SPATA24: variants seen among roughly 807,000 people sequenced by gnomAD.
The protein encoded by SPATA24 is spermatogenesis associated 24, also known as spermatogenesis-associated protein 24.
SPATA24 carries 21 observed loss-of-function variants against 28.9 expected under a neutral mutation model. The ratio of observed to expected loss-of-function variants is 0.73; its 90% CI spans 0.52 to 1.05. The LOEUF is 1.05. Among genes scored for constraint, SPATA24 ranks in the 50% least tolerant of loss-of-function variants. The pLI is 0.00. For missense variants in SPATA24, 215 were observed against 242.9 expected (o/e 0.88, Z 0.76); for synonymous variants, 76 against 89.9 (o/e 0.85, Z 0.88).
At chr5:139,403,810 A>G in intron 1 of SPATA24, 134 bp downstream of exon 1, 1 of 734,402 alleles carries the variant, frequency 1.4e-6, no homozygotes, top group Non-Finnish European at 2.3e-6. Context: ...CTACCGACTG[A>G]GCCCGGCCTC....
downstream of SPATA24, chr5:139,392,605 T>C (rs1214763306): frequency 5.1e-6 from 7 of 1,367,806 alleles, no homozygotes; most frequent in Non-Finnish European, 5.6e-6. This position sits in a 1 kb window ranked among gnomAD's most constrained non-coding sequence, Gnocchi z 5.8. Flanking sequence ...AGCCGCGGGC[T>C]CGGGGGCCGT....
downstream of SPATA24, chr5:139,393,174 C>T (rs920381672): frequency 5.8e-6 from 9 of 1,548,566 alleles, no homozygotes; most frequent in African/African-American, 1.1e-4. Flanking sequence ...GGAAGCCTGG[C>T]GCGTACGTGG....
At chr5:139,393,736 C>T, downstream of SPATA24, 1 of 1,551,380 alleles carries the variant, frequency 6.4e-7, no homozygotes, top group Non-Finnish European at 8.7e-7. Flanking sequence ...GCTTCTCCTG[C>T]TGACAGTTTC....
downstream of SPATA24, chr5:139,394,762 G>A (rs1581396752): frequency 2.0e-6 from 3 of 1,532,910 alleles, no homozygotes; most frequent in South Asian, 1.2e-5. Flanking sequence ...CTCCCCCGAC[G>A]GCAGCGTGCG....
downstream of SPATA24, chr5:139,395,002 G>T: frequency 6.7e-7 from 1 of 1,489,214 alleles, no homozygotes; most frequent in Non-Finnish European, 8.9e-7. Flanking sequence ...CGAACCGGAG[G>T]AGTCCTGGCG....
downstream of SPATA24, chr5:139,393,705 G>T (rs1758639959): frequency 6.4e-7 from 1 of 1,551,082 alleles, no homozygotes; most frequent in African/African-American, 1.4e-5. Flanking sequence ...GATTCCACTG[G>T]GAAAGGATCG....
At chr5:139,400,505 A>G (rs1758799120) in intron 4 of SPATA24, among the ~76,000 whole-genome samples, 1 of 151,792 alleles carries the variant, frequency 6.6e-6, no homozygotes, top group Admixed American at 6.6e-5. Context: ...ATGGGGTTTC[A>G]CCATGTTGGC....
At chr5:139,394,733 C>G (rs938208803), downstream of SPATA24, 2 of 1,532,696 alleles carry the variant, frequency 1.3e-6, no homozygotes, top group Non-Finnish European at 1.7e-6. Context: ...AGGGGTCCGA[C>G]GCCGAAGATG....
chr5:139,393,504 C>A, downstream of SPATA24: 2 of 1,551,574 alleles, frequency 1.3e-6, no homozygotes, highest in East Asian at 2.4e-5. Context: ...ATGAGCCCGG[C>A]CCCATGGGAT....
rs550060721 is a variant in SPATA24, at chr5:139,400,456, G to A, written c.385+1299C>T. 1.5e-3 allele frequency among the ~76,000 whole-genome samples: 224 copies of A among 151,942 alleles called. 1 individual carries two copies. The highest frequency in any genetic ancestry group is 5.1e-3 in the African/African-American group (213 of 41,446). ...TGAGTAGCTGGTATTACAGGTGCCCGCCACTATGCCCGGGTAATTTTTGGT... is the reference window on the plus strand; with the variant it reads ...TGAGTAGCTGGTATTACAGGTGCCCACCACTATGCCCGGGTAATTTTTGGT... On this transcript the variant is annotated intron_variant, in intron 4 of 5. Coordinates refer to ENST00000450845, the MANE Select transcript of SPATA24 (RefSeq NM_194296.2).
chr5:139,397,145 T>G lies in SPATA24; in HGVS notation c.386-2A>C, dbSNP rs775639826. The G allele has an allele frequency of 2.1e-5, 32 of 1,551,024 alleles. No homozygotes were observed. Among genetic ancestry groups the G allele is most frequent in the Non-Finnish European group, 2.7e-5 (31 of 1,146,138 alleles). On this transcript the variant is annotated splice_acceptor_variant, in intron 4 of 5. Coordinates refer to ENST00000450845, the MANE Select transcript of SPATA24 (RefSeq NM_194296.2). LOFTEE classifies it high-confidence loss of function. The stretch of plus-strand genomic sequence containing the variant: ...GCTTTATAATGTGAGACTCAATCTC[T>G]GTGGGGGAGAGAGGCAGGGAGGAGG...
In SPATA24 at chr5:139,402,618, C is replaced by T; in HGVS notation, c.183+10G>A. Reference sequence around the variant, plus strand: ...GGGAAGATTAGGAGACCGCAGAGGCCATTACTTACCACCAGCTTCTTCTCC... The same window carrying T: ...GGGAAGATTAGGAGACCGCAGAGGCTATTACTTACCACCAGCTTCTTCTCC... On this transcript the variant is annotated intron_variant, in intron 2 of 5. Transcript: ENST00000450845. The T allele has an allele frequency of 6.4e-7, 1 of 1,551,228 alleles. No homozygotes were observed. Among genetic ancestry groups the T allele is most frequent in the Non-Finnish European group, 8.7e-7 (1 of 1,146,566 alleles).
Position 139,404,020 on chromosome 5 carries a change from G to T in SPATA24, c.41C>A (p.Ser14Tyr). The part of the protein sequence containing the change: ...PLGWSKAGSG[S>Y]VCLALDQLRD... ...CAGTTGATCTAAAGCGAGACACACAGATCCTGACCCCGCCTTCGACCACCC... is the reference window on the plus strand; with the variant it reads ...CAGTTGATCTAAAGCGAGACACACATATCCTGACCCCGCCTTCGACCACCC... Residue 14 changes from serine to tyrosine, a missense_variant, in exon 1 of 6, where the codon TCT becomes TAT. Transcript: ENST00000450845. The T allele has an allele frequency of 1.9e-6, 3 of 1,551,904 alleles. No homozygotes were observed. Among genetic ancestry groups the T allele is most frequent in the Non-Finnish European group, 2.6e-6 (3 of 1,147,054 alleles).
chr5:139,394,535 G>C (rs1758660458), downstream of SPATA24: 3 of 1,484,262 alleles, frequency 2.0e-6, no homozygotes. Context: ...AACTGCGCTG[G>C]GGCGGCAGGA....
chr5:139,396,591 A>G (rs756410959), downstream of SPATA24: 22 of 1,397,820 alleles, frequency 1.6e-5, no homozygotes, highest in Non-Finnish European at 2.0e-5. Flanking sequence ...CTGTTTATAT[A>G]GGAAGGGATT....
intron 4 of SPATA24, chr5:139,401,396 A>G: frequency 1.7e-6 from 1 of 589,840 alleles, no homozygotes; most frequent in East Asian, 2.8e-5. Flanking sequence ...CCTGAGACTA[A>G]GGATCAGGTC....
intron 4 of SPATA24, chr5:139,401,441 G>T: frequency 1.6e-6 from 1 of 607,538 alleles, no homozygotes; most frequent in Non-Finnish European, 2.9e-6. Context: ...TGTTCCTCTT[G>T]TATCAGTTAG....
At chr5:139,399,389 A>C (rs1758778073) in intron 4 of SPATA24, among the ~76,000 whole-genome samples, 1 of 152,142 alleles carries the variant, frequency 6.6e-6, no homozygotes, top group Non-Finnish European at 1.5e-5. Flanking sequence ...ATGTCTAAGC[A>C]TTTAAGATTT....
chr5:139,402,220 TC>T (rs1758840880), intron 2 of SPATA24, among the ~76,000 whole-genome samples, 175 bp from the exon 3 acceptor site: 2 of 150,884 alleles, frequency 1.3e-5, no homozygotes. Context: ...TTTTCTTTTT[TC>T]TTTTTTTTTT....
Sources: allele counts gnomAD v4.1 joint callset (sites outside exome capture counted in the v4.1 genomes callset), GRCh38; gene constraint gnomAD v4.1.1; non-coding constraint Gnocchi (gnomAD v3.1); transcripts MANE v1.5; gene names NCBI Gene and HGNC (gene_info 2026-07-23, HGNC 2026-07-21).